VWA3B: variants seen among roughly 807,000 people sequenced by gnomAD.
The protein encoded by VWA3B is von Willebrand factor A domain-containing protein 3B.
Under a neutral mutation model 158.3 loss-of-function variants are expected in VWA3B, and 138 were observed. The observed-to-expected ratio is 0.87, with a 90% CI of 0.76 to 1.00. VWA3B has a LOEUF of 1.00. Among genes scored for constraint, VWA3B ranks in the 50% least tolerant of loss-of-function variants. The pLI, the probability that VWA3B is intolerant of heterozygous loss-of-function variation, is 0.00. For synonymous variants in VWA3B, 596 were observed against 587.3 expected (o/e 1.01, Z -0.21); for missense variants, 1,555 against 1,565.1 (o/e 0.99, Z 0.11).
intron 2 of VWA3B, among the ~76,000 whole-genome samples, chr2:98,107,892 T>C (rs1008151957): frequency 6.6e-6 from 1 of 152,086 alleles, no homozygotes; most frequent in African/African-American, 2.4e-5. Flanking sequence ...ATTATTTATT[T>C]CCTTCTGCTT....
chr2:98,195,073 A>C (rs1681927220), intron 12 of VWA3B, among the ~76,000 whole-genome samples: 1 of 152,224 alleles, frequency 6.6e-6, no homozygotes, highest in East Asian at 1.9e-4. Context: ...AGCTTATCTT[A>C]ATTTTTTATA....
chr2:98,114,745 C>CT (rs1674399243), intron 2 of VWA3B, among the ~76,000 whole-genome samples: 1 of 152,224 alleles, frequency 6.6e-6, no homozygotes, highest in African/African-American at 2.4e-5. Context: ...TTTGAATCCT[C>CT]TCCATAGGCT....
At chr2:98,160,923 A>G (rs1446969184) in intron 7 of VWA3B, among the ~76,000 whole-genome samples, 3 of 152,318 alleles carry the variant, frequency 2.0e-5, no homozygotes, top group Admixed American at 2.0e-4. Flanking sequence ...TCCCACTTCA[A>G]GAGGCTAGAA....
chr2:98,233,557 A>G (rs914122914), intron 16 of VWA3B, among the ~76,000 whole-genome samples: 1 of 152,166 alleles, frequency 6.6e-6, no homozygotes, highest in Non-Finnish European at 1.5e-5. Flanking sequence ...CATAGCTTCT[A>G]AGGAAATTTA....
chr2:98,308,239 TTC>T (rs1370682162), intron 26 of VWA3B, among the ~76,000 whole-genome samples: 1 of 152,206 alleles, frequency 6.6e-6, no homozygotes, highest in Non-Finnish European at 1.5e-5. Context: ...GGTGCAGATT[TTC>T]TCTTTCCTTT....
At chr2:98,154,859 C>T (rs1677927707) in intron 7 of VWA3B, among the ~76,000 whole-genome samples, 1 of 152,170 alleles carries the variant, frequency 6.6e-6, no homozygotes, top group Admixed American at 6.5e-5. Context: ...ATCCGTTTCA[C>T]ATTTACTATT....
rs549295644 is a variant in VWA3B at position 98,126,484 on chromosome 2, A to T, written c.703-1755A>T. ...CCATGCTAAACTTGGGCACTGCCGC[A>T]GCTGGAAAACTCGGATAAATAATAG... is the stretch of plus-strand genomic sequence containing the variant. On this transcript the variant is annotated intron_variant, in intron 5 of 27. Transcript: ENST00000477737. 2.0e-5 allele frequency among the ~76,000 whole-genome samples: 3 copies of T among 152,312 alleles called. No homozygotes were observed. The South Asian group carries it at 6.2e-4, about 32-fold the overall frequency.
At chr2:98,157,951 GA>G (rs1678234897) in intron 7 of VWA3B, among the ~76,000 whole-genome samples, 1 of 152,204 alleles carries the variant, frequency 6.6e-6, no homozygotes, top group African/African-American at 2.4e-5. Context: ...TCCTGGAAAC[GA>G]TAGTACTTCA....
chr2:98,214,876 T>A (rs1683842390), intron 13 of VWA3B, among the ~76,000 whole-genome samples: 1 of 152,198 alleles, frequency 6.6e-6, no homozygotes, highest in African/African-American at 2.4e-5. Flanking sequence ...ACGTGTAAAT[T>A]CTGAGAAGTG....
downstream of VWA3B, chr2:98,313,434 CT>C (rs1691019404): frequency 6.6e-6 from 1 of 152,174 alleles, no homozygotes; most frequent in South Asian, 2.1e-4. Flanking sequence ...CAGACGTTTC[CT>C]CCCAGCAGGA....
At chr2:98,266,133 G>A (rs1687810432) in intron 21 of VWA3B, among the ~76,000 whole-genome samples, 1 of 149,494 alleles carries the variant, frequency 6.7e-6, no homozygotes, top group Non-Finnish European at 1.5e-5. Flanking sequence ...CCTATGTCCT[G>A]AATGGTAATG....
intron 14 of VWA3B, among the ~76,000 whole-genome samples, chr2:98,220,356 A>T (rs2105620745): frequency 6.6e-6 from 1 of 152,102 alleles, no homozygotes; most frequent in South Asian, 2.1e-4. Context: ...TAAATATGTA[A>T]AAAAAAATTC....
In VWA3B at chr2:98,236,624, C is replaced by T. The variant is rs1272901848; in HGVS notation, c.2567C>T (p.Ala856Val). 6.2e-7 allele frequency: 1 copy of T among 1,614,064 alleles called. No individual in the cohort carries two copies. Among genetic ancestry groups the T allele is most frequent in the Non-Finnish European group, 8.5e-7 (1 of 1,180,038 alleles). ...TGGCTGAAGACCTATGGCTTGGTCG[C>T]CAAGAAACTCACCCTCATGGATGCC... ...ENWLKTYGLV[A>V]KKLTLMDALS... The change falls in exon 19 of 28, where the codon GCC (alanine) becomes GTC (valine). Residue 856 changes from alanine (A) to valine (V), a missense_variant. Physicochemically the swap from Ala to Val is moderately conservative, Grantham distance 64. Transcript: ENST00000477737.
chr2:98,315,096 T>C (rs1239602926), downstream of VWA3B, among the ~76,000 whole-genome samples: 1 of 152,254 alleles, frequency 6.6e-6, no homozygotes, highest in Non-Finnish European at 1.5e-5. Flanking sequence ...AAGACTTTCT[T>C]TTCTTACCAT....
At chr2:98,095,606 G>T (rs1177224384) in intron 2 of VWA3B, among the ~76,000 whole-genome samples, 1 of 152,128 alleles carries the variant, frequency 6.6e-6, no homozygotes, top group African/African-American at 2.4e-5. Context: ...TTTAGATGCT[G>T]TTAATTTCTT....
intron 2 of VWA3B, among the ~76,000 whole-genome samples, chr2:98,100,902 G>C (rs2104849280): frequency 6.6e-6 from 1 of 152,232 alleles, no homozygotes; most frequent in South Asian, 2.1e-4. Context: ...CTCTTGTGAA[G>C]GTATTTTTGT....
At chr2:98,148,945 T>C (rs1393938730) in intron 7 of VWA3B, among the ~76,000 whole-genome samples, 1 of 152,226 alleles carries the variant, frequency 6.6e-6, no homozygotes, top group African/African-American at 2.4e-5. Flanking sequence ...AACGTTCATC[T>C]TGAATGTTGC....
intron 12 of VWA3B, among the ~76,000 whole-genome samples, chr2:98,201,454 C>T (rs1682540815): frequency 6.6e-6 from 1 of 152,122 alleles, no homozygotes; most frequent in Admixed American, 6.5e-5. Flanking sequence ...TTTTTCCTAT[C>T]CAACCCGTAT....
intron 2 of VWA3B, chr2:98,099,364 A>G (rs1573753162): frequency 1.3e-5 from 2 of 152,250 alleles, no homozygotes; most frequent in East Asian, 3.9e-4. Context: ...CTTGATTGGC[A>G]GGGCTTTTTG....
Sources: allele counts gnomAD v4.1 joint callset (sites outside exome capture counted in the v4.1 genomes callset), GRCh38; gene constraint gnomAD v4.1.1; transcripts MANE v1.5; gene names NCBI Gene and HGNC (gene_info 2026-07-23, HGNC 2026-07-21).